The following MFSD12 variants were observed in gnomAD, a reference collection of about 807,000 sequenced individuals.
The protein encoded by MFSD12 is major facilitator superfamily domain-containing protein 12.
MFSD12 carries 67 observed loss-of-function variants against 51.2 expected under a neutral mutation model. That is an observed-to-expected ratio of 1.31 (90% CI 1.08 to 1.60). The LOEUF (loss-of-function observed/expected upper bound fraction) is 1.60. Ranked by LOEUF, MFSD12 falls within the 40% of genes most tolerant of loss-of-function variation. The probability of loss-of-function intolerance (pLI) is 0.00; values close to 1 mark genes in which losing one functional copy is unlikely to be tolerated. For synonymous variants in MFSD12, 441 were observed against 316.7 expected (o/e 1.39, Z -4.17); for missense variants, 921 against 673.0 (o/e 1.37, Z -4.08).
chr19:3,543,447 A>G (rs760150735), downstream of MFSD12: 14 of 1,542,910 alleles, frequency 9.1e-6, no homozygotes, highest in African/African-American at 2.8e-5. Context: ...AGCTGCTACC[A>G]ACACCGTGAG....
Position 3,548,194 on chromosome 19 carries a change from A to G in MFSD12, c.583T>C (p.Ser195Pro). The G allele has an allele frequency of 3.8e-6, 6 of 1,574,266 alleles. No homozygotes were observed. Among genetic ancestry groups the G allele is most frequent in the Non-Finnish European group, 5.2e-6 (6 of 1,161,442 alleles). ...ATGTCTTGGGTGGGCTCCACCCGCG[A>G]CGAGCCCTGCAGGTGCAGCAGGAGC... ...AWLLLHLQGS[S>P]RVEPTQDISI... The change falls in exon 3 of 10, where the codon TCG becomes CCG. Residue 195 changes from serine to proline, a missense_variant. Physicochemically the swap from Ser to Pro is moderately conservative, Grantham distance 74. Coordinates refer to ENST00000355415, the MANE Select transcript of MFSD12 (RefSeq NM_174983.5).
Position 3,544,607 on chromosome 19 carries a change from C to G in MFSD12, c.*103G>C. ...TGGGTGAGGATGGAGGGTGGGGGTC[C>G]AGAGAAGAGTGAGGGGCAGTGGGGG... On this transcript the variant is annotated 3_prime_UTR_variant, in exon 10 of 10. Coordinates refer to ENST00000355415, the MANE Select transcript of MFSD12 (RefSeq NM_174983.5). 6.7e-7 allele frequency: 1 copy of G among 1,499,380 alleles called. No homozygotes were observed. Among genetic ancestry groups the G allele is most frequent in the Non-Finnish European group, 8.9e-7 (1 of 1,125,720 alleles). The allele number at this position is 1,499,380 out of a possible 1,614,324, so 92.9% of individuals were successfully genotyped here.
chr19:3,544,743 G>T lies in MFSD12; in HGVS notation c.1421-11C>A. The T allele has an allele frequency of 6.2e-7, 1 of 1,605,244 alleles. No individual in the cohort carries two copies. The highest frequency in any genetic ancestry group is 2.2e-5 in the East Asian group (1 of 44,716). On this transcript the variant is annotated splice_polypyrimidine_tract_variant and intron_variant, in intron 9 of 9. Coordinates refer to ENST00000355415, the MANE Select transcript of MFSD12 (RefSeq NM_174983.5). ...GGGCATCACGGTCCCCTGCAAGGGAGGGGTGGAAATGGCATTAGAGAGTGT... is the reference window on the plus strand; with the variant it reads ...GGGCATCACGGTCCCCTGCAAGGGATGGGTGGAAATGGCATTAGAGAGTGT...
downstream of MFSD12, chr19:3,541,901 C>A: frequency 1.5e-6 from 1 of 679,584 alleles, no homozygotes; most frequent in East Asian, 1.3e-4. Context: ...CTCCGCCTCC[C>A]GGGTTCAAGC....
At chr19:3,543,649 G>A, downstream of MFSD12, 2 of 1,543,696 alleles carry the variant, frequency 1.3e-6, no homozygotes, top group Non-Finnish European at 1.7e-6. Flanking sequence ...GCGCGCTGTG[G>A]AAAGACAGGC....
At chr19:3,545,353 C>G (rs1309480179) in intron 8 of MFSD12, among the ~76,000 whole-genome samples, 2 of 152,206 alleles carry the variant, frequency 1.3e-5, no homozygotes, top group East Asian at 3.9e-4. Flanking sequence ...GTCAAATCCC[C>G]TAAGTCCTCC....
chr19:3,547,720 T>A (rs2031190741), intron 4 of MFSD12, 128 bp downstream of exon 4: 1 of 1,243,614 alleles, frequency 8.0e-7, no homozygotes, highest in Non-Finnish European at 1.1e-6. Context: ...ATGAGTGACG[T>A]TTGCCCTGGG....
At chr19:3,553,281 T>C (rs1201029761) in intron 1 of MFSD12, among the ~76,000 whole-genome samples, 1 of 151,928 alleles carries the variant, frequency 6.6e-6, no homozygotes, top group African/African-American at 2.4e-5. Context: ...CTCGGGCAAG[T>C]GACTGTGCCT....
At chr19:3,540,480 T>A (rs541864253), downstream of MFSD12, among the ~76,000 whole-genome samples, 542 of 150,934 alleles carry the variant, frequency 3.6e-3, no homozygotes, top group South Asian at 6.8e-3. Context: ...ATGGTCTCGA[T>A]CTCCTGACCT....
At chr19:3,556,063 G>C (rs886398687) in intron 1 of MFSD12, among the ~76,000 whole-genome samples, 1 of 152,166 alleles carries the variant, frequency 6.6e-6, no homozygotes, top group South Asian at 2.1e-4. Flanking sequence ...CAGACAGATA[G>C]AGGCAATGCA....
chr19:3,543,182 C>A, downstream of MFSD12: 1 of 1,526,334 alleles, frequency 6.6e-7, no homozygotes, highest in South Asian at 1.2e-5. Context: ...GCAAAGGGGT[C>A]AAAGCACTCG....
In MFSD12 at chr19:3,544,338, T is replaced by TA; in HGVS notation, c.*371_*372insT. 1 of 1,269,420 alleles carries TA rather than the reference T, an allele frequency of 7.9e-7. No homozygotes were observed. Among genetic ancestry groups the TA allele is most frequent in the Non-Finnish European group, 9.9e-7 (1 of 1,006,908 alleles). The allele number at this position is 1,269,420 out of a possible 1,614,324, so 78.6% of individuals were successfully genotyped here. A position where few individuals can be genotyped will look rare whatever the true frequency, so the allele number is the denominator to read the frequency against. On this transcript the variant is annotated 3_prime_UTR_variant, in exon 10 of 10. Transcript: ENST00000355415. ...GGCTCCAGCCGTCCTGAGGGGGCCC[T>TA]GGCAGTGTCTGGAGACCCCCAGGCT...
intron 2 of MFSD12, among the ~76,000 whole-genome samples, chr19:3,548,700 G>C (rs939145475): frequency 6.6e-6 from 1 of 152,142 alleles, no homozygotes; most frequent in South Asian, 2.1e-4. Flanking sequence ...GGGGGCCTCA[G>C]AATCCTACCA....
chr19:3,547,803 G>C, intron 4 of MFSD12, 45 bp downstream of exon 4: 1 of 1,459,474 alleles, frequency 6.9e-7, no homozygotes, highest in Non-Finnish European at 9.0e-7. Flanking sequence ...GGCCCTGTGG[G>C]TGGGAGAGAA....
intron 2 of MFSD12, among the ~76,000 whole-genome samples, chr19:3,549,595 T>C (rs368110484): frequency 1.3e-3 from 195 of 149,252 alleles, no homozygotes; most frequent in African/African-American, 4.4e-3. Context: ...TGGTGGCGGG[T>C]GCCTGTAGTC....
downstream of MFSD12, among the ~76,000 whole-genome samples, chr19:3,541,225 A>G (rs1208583359): frequency 6.6e-6 from 1 of 150,594 alleles, no homozygotes; most frequent in African/African-American, 2.4e-5. Flanking sequence ...AATGCCAGCT[A>G]CTTGGGAGGC....
chr19:3,547,694 A>T (rs1187985445), intron 4 of MFSD12, 147 bp from the exon 5 acceptor site: 2 of 1,174,446 alleles, frequency 1.7e-6, no homozygotes. Flanking sequence ...GGCCAGGAAG[A>T]GGAGAGCAGC....
At chr19:3,545,960 G>T in intron 8 of MFSD12, 114 bp downstream of exon 8, 1 of 1,048,672 alleles carries the variant, frequency 9.5e-7, no homozygotes, top group Non-Finnish European at 1.5e-6. Flanking sequence ...CATTGGGGCA[G>T]GTGTCTTTGG....
In MFSD12 at chr19:3,546,154, G is replaced by A. The variant is rs560755848; in HGVS notation, c.1209C>T (p.Phe403=). 1.6e-4 allele frequency: 260 copies of A among 1,613,162 alleles called. No individual in the cohort carries two copies. Among genetic ancestry groups the A allele is most frequent in the Middle Eastern group, 1.2e-3 (7 of 6,062 alleles). The part of the protein sequence containing the change: ...LIGPHTNSGA[F]VYGSMSFLDK... ...CCAAGAAGCTCATGGAGCCGTACACGAACGCTCCGCTGTTCTGTGGAGACA... is the reference window on the plus strand; with the variant it reads ...CCAAGAAGCTCATGGAGCCGTACACAAACGCTCCGCTGTTCTGTGGAGACA... Residue 403 remains phenylalanine, a synonymous_variant, in exon 8 of 10, where the codon TTC becomes TTT. Transcript: ENST00000355415.
Sources: gnomAD v4.1 joint callset for allele counts (sites outside exome capture counted in the v4.1 genomes callset) on GRCh38, gnomAD v4.1.1 for gene constraint, MANE v1.5 for transcripts, NCBI Gene and HGNC (gene_info 2026-07-23, HGNC 2026-07-21) for gene names.